Variants in ZGRF1 observed in about 807,000 individuals in gnomAD.
ZGRF1 encodes 5'-3' DNA helicase ZGRF1.
ZGRF1 carries 196 observed loss-of-function variants against 203.5 expected under a neutral mutation model. That is an observed-to-expected ratio of 0.96 (90% CI 0.86 to 1.08). The LOEUF is 1.08. Among genes scored for constraint, ZGRF1 ranks in the 50% least tolerant of loss-of-function variants. ZGRF1 has a pLI of 0.00. For missense variants in ZGRF1, 2,326 were observed against 2,416.3 expected, an observed-to-expected ratio of 0.96 and a Z score of 0.78; for synonymous variants, 809 against 841.3, an observed-to-expected ratio of 0.96 and a Z score of 0.66.
At chr4:112,603,380 A>G (rs189017130) in intron 10 of ZGRF1, 144 bp downstream of exon 10, 171 of 514,790 alleles carry the variant, frequency 3.3e-4, no homozygotes, top group African/African-American at 3.0e-3. Flanking sequence ...TTTGTTATTT[A>G]GTTTTGAGAT....
At chr4:112,546,249 AGGGAAGAG>A (rs762938528) in intron 24 of ZGRF1, among the ~76,000 whole-genome samples, 1 of 152,094 alleles carries the variant, frequency 6.6e-6, no homozygotes, top group Admixed American at 6.5e-5. Context: ...CAGAAGCTAT[AGGGAAGAG>A]GAAATGGGCA....
Position 112,587,931 on chromosome 4 carries a change from T to C in ZGRF1, c.3128-2A>G. On this transcript the variant is annotated splice_acceptor_variant, in intron 11 of 27. Transcript: ENST00000505019. LOFTEE classifies it high-confidence loss of function. ...CCAGAGAACGGGATTTTTTCATCCC[T>C]GAAAGAAAACAGAATGCTGATTAAA... 1 of 1,516,770 alleles carries C rather than the reference T, an allele frequency of 6.6e-7. No individual in the cohort carries two copies. The highest frequency in any genetic ancestry group is 1.4e-5 in the African/African-American group (1 of 71,262). The allele number at this position is 1,516,770 out of a possible 1,614,324, so 94.0% of individuals were successfully genotyped here. A position where few individuals can be genotyped will look rare whatever the true frequency, so the allele number is the denominator to read the frequency against.
At chr4:112,602,140 T>C (rs1480308390) in intron 10 of ZGRF1, among the ~76,000 whole-genome samples, 1 of 151,556 alleles carries the variant, frequency 6.6e-6, no homozygotes, top group Non-Finnish European at 1.5e-5. Flanking sequence ...GAGGCAGAGG[T>C]TGCAGTGAGC....
chr4:112,567,258 C>T (rs1743285902), intron 16 of ZGRF1, among the ~76,000 whole-genome samples: 1 of 152,014 alleles, frequency 6.6e-6, no homozygotes, highest in Non-Finnish European at 1.5e-5. Context: ...GATGGGCCTT[C>T]CCCAACATAT....
intron 16 of ZGRF1, among the ~76,000 whole-genome samples, chr4:112,564,338 A>G (rs58540419): frequency 6.6e-6 from 1 of 152,218 alleles, no homozygotes; most frequent in African/African-American, 2.4e-5. Context: ...CAGGGTTTTT[A>G]AAAATGAGAA....
In ZGRF1 at chr4:112,631,978, T is replaced by C. The variant is rs2149214829; in HGVS notation, c.54A>G (p.Ser18=). 5 of 1,595,132 alleles carry C rather than the reference T, an allele frequency of 3.1e-6. 1 individual carries two copies. The South Asian group carries it at 5.8e-5, about 19-fold the overall frequency. ...TCAGAATTCCATCTTGCCACACTTT[T>C]GACTTCTTCATCTTTTGATGAGTAT... ...VLYTHQKMKK[S]KVWQDGILKI... Residue 18 remains serine (S), a synonymous_variant, in exon 3 of 28, where the codon TCA becomes TCG. Transcript: ENST00000505019.
chr4:112,615,557 A>G (rs2149142230), intron 6 of ZGRF1, among the ~76,000 whole-genome samples: 1 of 151,416 alleles, frequency 6.6e-6, no homozygotes, highest in South Asian at 2.1e-4. Flanking sequence ...CTAAATCTCC[A>G]TGCTAGAACT....
In ZGRF1 at chr4:112,609,365, T is replaced by C; in HGVS notation, c.2718+14A>G. 1 of 1,513,946 alleles carries C rather than the reference T, an allele frequency of 6.6e-7. No homozygotes were observed. Among genetic ancestry groups the C allele is most frequent in the African/African-American group, 1.4e-5 (1 of 71,268 alleles). 93.8% of individuals were successfully genotyped at this position (1,513,946 alleles called of 1,614,324 possible). ...ACCATGCCCAGGGGCTAATTTATAT[T>C]TTAAATAACTTACCTGCACAGACTG... On this transcript the variant is annotated intron_variant, in intron 8 of 27. Coordinates refer to ENST00000505019, the MANE Select transcript of ZGRF1 (RefSeq NM_018392.5).
intron 16 of ZGRF1, among the ~76,000 whole-genome samples, chr4:112,577,745 T>C (rs1275141387): frequency 8.1e-6 from 1 of 123,166 alleles, no homozygotes; most frequent in Non-Finnish European, 1.8e-5. Context: ...TAAATGTATA[T>C]GCACCCAATT....
Position 112,553,708 on chromosome 4 carries a change from C to G in ZGRF1, c.5346+127G>C, listed in dbSNP as rs556807884. On this transcript the variant is annotated intron_variant, in intron 22 of 27. Coordinates refer to ENST00000505019, the MANE Select transcript of ZGRF1 (RefSeq NM_018392.5). ...TATCCAAGGATCCACATGCATGCAC[C>G]TTAGTAGAATATAAACTATCATAGC... is the stretch of plus-strand genomic sequence containing the variant. The G allele has an allele frequency of 3.5e-5, 28 of 791,648 alleles. No individual in the cohort carries two copies. In the East Asian group the frequency reaches 6.9e-4, roughly 20 times the overall value. 49.0% of individuals were successfully genotyped at this position (791,648 alleles called of 1,614,324 possible).
Position 112,540,933 on chromosome 4 carries a change from T to C in ZGRF1, c.5798A>G (p.His1933Arg). The change falls in exon 26 of 28, where the codon CAT (histidine) becomes CGT (arginine). Residue 1933 changes from histidine (H) to arginine (R), a missense_variant. Transcript: ENST00000505019. ...LEQIERDNSF[H>R]NVAEATFTLK... ...TGTAAACGTAGCTTCTGCCACATTA[T>C]GAAAGCTGTTATCTCTTTCTATCTG... 6.4e-7 allele frequency: 1 copy of C among 1,573,308 alleles called. No individual in the cohort carries two copies. Among genetic ancestry groups the C allele is most frequent in the South Asian group, 1.2e-5 (1 of 86,086 alleles).
At chr4:112,558,069 G>T in intron 20 of ZGRF1, 81 bp downstream of exon 20, 1 of 1,123,532 alleles carries the variant, frequency 8.9e-7, no homozygotes, top group Non-Finnish European at 1.3e-6. Context: ...AGAGTACATG[G>T]ACACTCAGGG....
At chr4:112,589,532 C>T in intron 11 of ZGRF1, 192 bp downstream of exon 11, 1 of 572,132 alleles carries the variant, frequency 1.7e-6, no homozygotes, top group Non-Finnish European at 3.1e-6. Context: ...AACTAGATAG[C>T]TAGAAGGGAA....
chr4:112,570,732 A>G (rs1045657082), intron 16 of ZGRF1, among the ~76,000 whole-genome samples: 1 of 152,218 alleles, frequency 6.6e-6, no homozygotes, highest in Non-Finnish European at 1.5e-5. Context: ...CACATGCTAA[A>G]TGACTCACAG....
At chr4:112,607,308 AT>A (rs869208658) in intron 8 of ZGRF1, among the ~76,000 whole-genome samples, 2 of 152,032 alleles carry the variant, frequency 1.3e-5, no homozygotes, top group South Asian at 2.1e-4. Flanking sequence ...ATTTAAAAAA[AT>A]TTTTTTTAGA....
At chr4:112,555,574 G>A (rs957944898) in intron 20 of ZGRF1, among the ~76,000 whole-genome samples, 20 of 152,142 alleles carry the variant, frequency 1.3e-4, no homozygotes, top group African/African-American at 4.6e-4. Context: ...CAACTTAACA[G>A]GCTGAAATAC....
In ZGRF1 at chr4:112,539,464, TTA is replaced by T; in HGVS notation, c.*81_*82del. The T allele has an allele frequency of 1.3e-6, 1 of 755,904 alleles. No homozygotes were observed. Among genetic ancestry groups the T allele is most frequent in the Middle Eastern group, 4.0e-4 (1 of 2,508 alleles). 46.8% of individuals were successfully genotyped at this position (755,904 alleles called of 1,614,324 possible). On this transcript the variant is annotated 3_prime_UTR_variant, in exon 28 of 28. Transcript: ENST00000505019. ...AATATCATATTTTTAATAAGAGGGT[TTA>T]GAGTAATAAAAATATAAAAAATATA... is the stretch of plus-strand genomic sequence containing the variant.
intron 8 of ZGRF1, among the ~76,000 whole-genome samples, chr4:112,606,907 A>G (rs1445578623): frequency 6.7e-6 from 1 of 150,188 alleles, no homozygotes; most frequent in Non-Finnish European, 1.5e-5. Flanking sequence ...ATAATTTTTC[A>G]TATGACTTGG....
intron 6 of ZGRF1, among the ~76,000 whole-genome samples, chr4:112,614,699 C>T (rs1209247611): frequency 5.9e-5 from 9 of 152,200 alleles, no homozygotes; most frequent in South Asian, 4.1e-4. Flanking sequence ...TGGTGGCACA[C>T]GCCTGTAGTC....
Sources: gnomAD v4.1 joint callset for allele counts (sites outside exome capture counted in the v4.1 genomes callset) on GRCh38, gnomAD v4.1.1 for gene constraint, MANE v1.5 for transcripts, NCBI Gene and HGNC (gene_info 2026-07-23, HGNC 2026-07-21) for gene names.